AFG2A: variants seen among roughly 807,000 people sequenced by gnomAD.
The protein encoded by AFG2A is AAA ATPase AFG2A.
At chr4:123,275,668 GC>G in the AFG2A span, among the ~76,000 whole-genome samples, 1 of 151,886 alleles carries the variant, frequency 6.6e-6, no homozygotes, top group Admixed American at 6.6e-5. Flanking sequence ...CCTCAAGTAG[GC>G]CCCAGTGTCT....
At chr4:122,967,605 A>G in the AFG2A span, among the ~76,000 whole-genome samples, 1 of 152,164 alleles carries the variant, frequency 6.6e-6, no homozygotes. Flanking sequence ...GTCAGCTTAT[A>G]AATATGTCCT....
At chr4:123,025,168 C>T in the AFG2A span, among the ~76,000 whole-genome samples, 1 of 152,180 alleles carries the variant, frequency 6.6e-6, no homozygotes, top group South Asian at 2.1e-4. Flanking sequence ...CTGTTAACAG[C>T]TGCCCCTCAA....
the AFG2A span, among the ~76,000 whole-genome samples, chr4:122,923,814 C>T: frequency 3.9e-5 from 6 of 152,070 alleles, no homozygotes; most frequent in African/African-American, 9.7e-5. Context: ...TCTACAGAAG[C>T]CGTGACCGAT....
chr4:123,171,946 T>C, the AFG2A span, among the ~76,000 whole-genome samples: 1 of 152,180 alleles, frequency 6.6e-6, no homozygotes, highest in Non-Finnish European at 1.5e-5. Flanking sequence ...TAAGTGCTTA[T>C]GCTATTTAAT....
At chr4:122,936,661 A>G in the AFG2A span, among the ~76,000 whole-genome samples, 1 of 152,148 alleles carries the variant, frequency 6.6e-6, no homozygotes, top group Non-Finnish European at 1.5e-5. Context: ...CCTGGGCAAC[A>G]TAGTGGGACC....
chr4:123,190,017 C>T, the AFG2A span, among the ~76,000 whole-genome samples: 1 of 151,578 alleles, frequency 6.6e-6, no homozygotes. Context: ...CCAGGCTGGT[C>T]TTGAACTTCT....
chr4:123,253,724 C>G, the AFG2A span, among the ~76,000 whole-genome samples: 1 of 151,906 alleles, frequency 6.6e-6, no homozygotes, highest in African/African-American at 2.4e-5. Flanking sequence ...AGGTAACTAC[C>G]TAGATTATTT....
the AFG2A span, among the ~76,000 whole-genome samples, chr4:123,206,096 C>T: frequency 1.3e-5 from 2 of 152,030 alleles, no homozygotes; most frequent in African/African-American, 2.4e-5. Flanking sequence ...CAAATCTAGC[C>T]TTAAGGAACC....
the AFG2A span, among the ~76,000 whole-genome samples, chr4:123,146,297 G>T: frequency 6.6e-6 from 1 of 152,096 alleles, no homozygotes; most frequent in South Asian, 2.1e-4. Flanking sequence ...AGGAAATAAA[G>T]AACCCAAGAA....
the AFG2A span, among the ~76,000 whole-genome samples, chr4:123,097,571 T>A: frequency 6.6e-6 from 1 of 152,264 alleles, no homozygotes; most frequent in Non-Finnish European, 1.5e-5. Context: ...TTGCCATCTT[T>A]ACACAAGACT....
chr4:122,933,303 T>C, the AFG2A span: 1 of 670,652 alleles, frequency 1.5e-6, no homozygotes, highest in East Asian at 3.1e-5. Flanking sequence ...TTGTATACAT[T>C]ATTTATTTTA....
chr4:123,306,455 AT>A, the AFG2A span, among the ~76,000 whole-genome samples: 10 of 151,594 alleles, frequency 6.6e-5, no homozygotes, highest in Non-Finnish European at 1.3e-4. Context: ...CCACTCTGCT[AT>A]TTTTTTGTCT....
At chr4:123,032,454 G>A in the AFG2A span, among the ~76,000 whole-genome samples, 2 of 152,000 alleles carry the variant, frequency 1.3e-5, no homozygotes, top group African/African-American at 4.8e-5. Context: ...ATGCAGTGGC[G>A]CGATCTCGGC....
the AFG2A span, among the ~76,000 whole-genome samples, chr4:123,004,603 T>C: frequency 6.6e-6 from 1 of 152,208 alleles, no homozygotes. Context: ...TAGTATTCCT[T>C]TTGCACATTG....
chr4:123,148,396 G>A, the AFG2A span, among the ~76,000 whole-genome samples: 1 of 152,202 alleles, frequency 6.6e-6, no homozygotes, highest in Admixed American at 6.5e-5. Flanking sequence ...GTAGTGAAGA[G>A]TGGGTGGTTA....
chr4:122,973,788 TCAAA>T, the AFG2A span, among the ~76,000 whole-genome samples: 2 of 152,176 alleles, frequency 1.3e-5, no homozygotes, highest in African/African-American at 2.4e-5. Context: ...CTTCCTGGGC[TCAAA>T]CAGTCATTGC....
the AFG2A span, among the ~76,000 whole-genome samples, chr4:123,010,603 G>A: frequency 1.5e-4 from 23 of 152,304 alleles, no homozygotes; most frequent in Admixed American, 3.3e-4. Flanking sequence ...ACTTATAGCA[G>A]CCTGACTCTA....
chr4:123,144,504 T>C, the AFG2A span, among the ~76,000 whole-genome samples: 2 of 152,058 alleles, frequency 1.3e-5, no homozygotes, highest in Non-Finnish European at 1.5e-5. Flanking sequence ...GGGAAGCCAG[T>C]AAATAATACT....
the AFG2A span, among the ~76,000 whole-genome samples, chr4:123,117,256 G>GA: frequency 1.3e-5 from 2 of 151,840 alleles, no homozygotes; most frequent in African/African-American, 4.8e-5. Flanking sequence ...AGGAGCTCTT[G>GA]AACCTCCGTT....
Sources: allele counts gnomAD v4.1 joint callset (sites outside exome capture counted in the v4.1 genomes callset), GRCh38; gene constraint gnomAD v4.1.1; transcripts MANE v1.5; gene names NCBI Gene and HGNC (gene_info 2026-07-23, HGNC 2026-07-21).